FSIP1: variants seen among roughly 807,000 people sequenced by gnomAD.
The protein encoded by FSIP1 is fibrous sheath interacting protein 1.
FSIP1 carries 65 observed loss-of-function variants against 60.9 expected under a neutral mutation model. The ratio of observed to expected loss-of-function variants is 1.07; its 90% CI spans 0.87 to 1.31. The LOEUF (loss-of-function observed/expected upper bound fraction) is 1.31. Among genes scored for constraint, FSIP1 ranks in the 40% most tolerant of loss-of-function variants. FSIP1 has a pLI of 0.00. For missense variants in FSIP1, 675 were observed against 665.5 expected, an observed-to-expected ratio of 1.01 and a Z score of -0.16; for synonymous variants, 209 against 221.2, an observed-to-expected ratio of 0.94 and a Z score of 0.49.
At chr15:39,766,212 A>G (rs2576932) in intron 3 of FSIP1, among the ~76,000 whole-genome samples, 87,916 of 152,040 alleles carry the variant, frequency 0.58, 25,861 homozygotes, top group African/African-American at 0.66. Context: ...TCAGTGACAC[A>G]AAGTGGTTGC....
chr15:39,770,652 G>T (rs1566921438), intron 2 of FSIP1, 42 bp from the exon 3 acceptor site: 1 of 1,281,190 alleles, frequency 7.8e-7, no homozygotes, highest in Non-Finnish European at 1.0e-6. Context: ...CGAAAATACT[G>T]TCTTTTTTTA....
At chr15:39,729,008 T>C (rs1193138217) in intron 8 of FSIP1, among the ~76,000 whole-genome samples, 2 of 152,100 alleles carry the variant, frequency 1.3e-5, no homozygotes, top group African/African-American at 4.8e-5. Flanking sequence ...ACATCACTAA[T>C]CATTTGAAAA....
chr15:39,747,862 T>C (rs913701113), intron 5 of FSIP1, among the ~76,000 whole-genome samples: 1 of 152,132 alleles, frequency 6.6e-6, no homozygotes, highest in Non-Finnish European at 1.5e-5. Flanking sequence ...CAGAAAAATT[T>C]CCTGTGATCA....
chr15:39,774,202 GC>G (rs1897979319), intron 2 of FSIP1, among the ~76,000 whole-genome samples: 1 of 152,184 alleles, frequency 6.6e-6, no homozygotes, highest in African/African-American at 2.4e-5. Context: ...GCACATATAG[GC>G]CAGACGCAGT....
At position 39,726,572 on chromosome 15, in the gene FSIP1, A is replaced by G. The variant is rs1021661648; in HGVS notation, c.1050+17T>C. The G allele has an allele frequency of 1.2e-6, 2 of 1,613,526 alleles. No individual in the cohort carries two copies. Among genetic ancestry groups the G allele is most frequent in the Non-Finnish European group, 1.7e-6 (2 of 1,179,462 alleles). Reference sequence around the variant, plus strand: ...TAGCACACATTAACTTGAACAGTCTATGGGTTCTTCAAATACCTGATTATT... The same window carrying G: ...TAGCACACATTAACTTGAACAGTCTGTGGGTTCTTCAAATACCTGATTATT... On this transcript the variant is annotated intron_variant, in intron 9 of 11. Transcript: ENST00000350221.
intron 10 of FSIP1, among the ~76,000 whole-genome samples, chr15:39,639,313 A>G (rs1323269284): frequency 6.6e-6 from 1 of 151,888 alleles, no homozygotes; most frequent in African/African-American, 2.4e-5. Flanking sequence ...TGTTCCTCTG[A>G]CTACCTTTTT....
At chr15:39,777,481 A>G (rs983211790) in intron 1 of FSIP1, among the ~76,000 whole-genome samples, 1 of 152,222 alleles carries the variant, frequency 6.6e-6, no homozygotes, top group Admixed American at 6.5e-5. Context: ...ACTATTCTTC[A>G]TGTGATATAT....
chr15:39,696,829 G>A (rs1301259447), intron 10 of FSIP1, among the ~76,000 whole-genome samples: 1 of 151,324 alleles, frequency 6.6e-6, no homozygotes, highest in African/African-American at 2.4e-5. Flanking sequence ...GAGAGGGAAG[G>A]AGATTGAAGA....
chr15:39,599,543 T>TTCTC (rs148731763), downstream of FSIP1: 4 of 135,270 alleles, frequency 3.0e-5, no homozygotes, highest in South Asian at 2.7e-4. Context: ...TCCTCCTTCT[T>TTCTC]TCTCTCTCTC....
At chr15:39,766,190 A>G (rs1425479493) in intron 3 of FSIP1, among the ~76,000 whole-genome samples, 1 of 152,240 alleles carries the variant, frequency 6.6e-6, no homozygotes, top group African/African-American at 2.4e-5. Context: ...TACAGTAGAA[A>G]GCCGTAAGTC....
At chr15:39,645,565 T>C (rs1200542308) in intron 10 of FSIP1, among the ~76,000 whole-genome samples, 1 of 151,510 alleles carries the variant, frequency 6.6e-6, no homozygotes, top group Non-Finnish European at 1.5e-5. Context: ...GCCACGGCAC[T>C]GGTGGCTGCA....
chr15:39,607,893 TAGAAC>T (rs1890885586), intron 11 of FSIP1, among the ~76,000 whole-genome samples: 1 of 152,064 alleles, frequency 6.6e-6, no homozygotes, highest in South Asian at 2.1e-4. Context: ...GAGAAGGAGG[TAGAAC>T]AGAAATGTAA....
chr15:39,688,657 A>G (rs973612975), intron 10 of FSIP1, among the ~76,000 whole-genome samples: 3 of 152,210 alleles, frequency 2.0e-5, no homozygotes, highest in Non-Finnish European at 4.4e-5. Context: ...AGAGAAAAAT[A>G]TCTATTTTTA....
intron 10 of FSIP1, among the ~76,000 whole-genome samples, chr15:39,688,172 C>T (rs988232749): frequency 2.0e-5 from 3 of 152,190 alleles, no homozygotes; most frequent in African/African-American, 7.2e-5. Flanking sequence ...AAAATACACA[C>T]CTAAAAGAAA....
chr15:39,746,845 G>T (rs1278078855), intron 5 of FSIP1, among the ~76,000 whole-genome samples: 1 of 151,984 alleles, frequency 6.6e-6, no homozygotes, highest in Non-Finnish European at 1.5e-5. Context: ...AGGGGGAACT[G>T]AGTGAAATAA....
chr15:39,682,749 C>T (rs1198154676), intron 10 of FSIP1, among the ~76,000 whole-genome samples: 1 of 152,176 alleles, frequency 6.6e-6, no homozygotes, highest in African/African-American at 2.4e-5. Context: ...TCTTAGAAGA[C>T]TACATATAAC....
At chr15:39,612,556 T>C (rs554603072) in intron 11 of FSIP1, among the ~76,000 whole-genome samples, 105 of 151,842 alleles carry the variant, frequency 6.9e-4, no homozygotes, top group Non-Finnish European at 1.3e-3. Context: ...AAATCTCAAA[T>C]AAACAATCTA....
rs376917917 is a variant in FSIP1 at position 39,679,131 on chromosome 15, C to T, written c.1188+34313G>A. Among the ~76,000 whole-genome samples, 11 of 152,172 alleles carry T rather than the reference C, an allele frequency of 7.2e-5. No individual in the cohort carries two copies. The East Asian group carries it at 1.9e-3, about 27-fold the overall frequency. On this transcript the variant is annotated intron_variant, in intron 10 of 11. Transcript: ENST00000350221. ...TGTTAATTAAAACAAGCTAAATTTG[C>T]CTTTTATGAATTCTTAGGAAGTTCT...
intron 10 of FSIP1, among the ~76,000 whole-genome samples, chr15:39,669,116 C>T (rs969964260): frequency 6.6e-6 from 1 of 152,174 alleles, no homozygotes; most frequent in Non-Finnish European, 1.5e-5. Context: ...AGACAGCCTT[C>T]AGGAGGCAGC....
Sources: allele counts gnomAD v4.1 joint callset (sites outside exome capture counted in the v4.1 genomes callset), GRCh38; gene constraint gnomAD v4.1.1; transcripts MANE v1.5; gene names NCBI Gene and HGNC (gene_info 2026-07-23, HGNC 2026-07-21).